Variants in VPS13A observed in about 807,000 individuals in gnomAD.
VPS13A encodes intermembrane lipid transfer protein VPS13A.
VPS13A carries 264 observed loss-of-function variants against 390.9 expected under a neutral mutation model. The ratio of observed to expected loss-of-function variants is 0.68; its 90% CI spans 0.61 to 0.75. The LOEUF (loss-of-function observed/expected upper bound fraction) is 0.75, where lower values mean the gene tolerates loss of function less well. VPS13A is among the 30% of genes least tolerant of loss of function. The pLI, the probability that VPS13A is intolerant of heterozygous loss-of-function variation, is 0.00. For synonymous variants in VPS13A, 1,231 were observed against 1,227.1 expected (o/e 1.00, Z -0.07); for missense variants, 3,409 against 3,733.9 (o/e 0.91, Z 2.27).
intron 23 of VPS13A, among the ~76,000 whole-genome samples, chr9:77,267,153 G>A (rs1399146196): frequency 6.6e-6 from 1 of 152,052 alleles, no homozygotes. Flanking sequence ...ACCTTCTGAA[G>A]CCTGTTTCTG....
chr9:77,390,182 T>G (rs1267669932), intron 68 of VPS13A: 4 of 892,978 alleles, frequency 4.5e-6, no homozygotes, highest in Non-Finnish European at 5.4e-6. Flanking sequence ...CTATTGGACT[T>G]CACTCTTCAT....
chr9:77,414,519 C>G (rs1176714849), intron 71 of VPS13A, among the ~76,000 whole-genome samples: 2 of 151,326 alleles, frequency 1.3e-5, no homozygotes, highest in Non-Finnish European at 2.9e-5. Flanking sequence ...TGTTCTCACT[C>G]ATAGGTGGGA....
intron 44 of VPS13A, among the ~76,000 whole-genome samples, chr9:77,322,195 GTT>G (rs1303113021): frequency 1.0e-3 from 148 of 142,826 alleles, no homozygotes; most frequent in African/African-American, 3.4e-3. Flanking sequence ...TTTATAAATG[GTT>G]TTTTTTTTTT....
intron 67 of VPS13A, among the ~76,000 whole-genome samples, chr9:77,377,251 C>T (rs541200653): frequency 2.7e-5 from 3 of 111,750 alleles, no homozygotes; most frequent in African/African-American, 6.9e-5. Context: ...CTCGCTCTGT[C>T]GCCCAGGCCA....
intron 14 of VPS13A, 48 bp from the exon 15 acceptor site, chr9:77,226,418 C>G: frequency 6.5e-7 from 1 of 1,543,262 alleles, no homozygotes; most frequent in Non-Finnish European, 8.9e-7. Context: ...GTTTCAGTTG[C>G]TAAATAAAGG....
intron 10 of VPS13A, among the ~76,000 whole-genome samples, chr9:77,218,587 GAGAACCACTC>G (rs1477380099): frequency 6.6e-6 from 1 of 150,824 alleles, no homozygotes; most frequent in East Asian, 1.9e-4. Context: ...ACTAAAGTTT[GAGAACCACTC>G]AGATAGACTA....
intron 61 of VPS13A, among the ~76,000 whole-genome samples, chr9:77,367,222 A>G (rs1197550297): frequency 1.3e-5 from 2 of 152,218 alleles, no homozygotes; most frequent in African/African-American, 4.8e-5. Context: ...AGACTCTTCA[A>G]AGCATTTGCA....
Position 77,363,412 on chromosome 9 carries a change from T to A in VPS13A, c.8212-2048T>A, listed in dbSNP as rs562991342. ...TTAATTTTTTTTTTTTTATTTTTTT[T>A]TTTTTTTGAGACCTAGGCTCGCTCT... On this transcript the variant is annotated intron_variant, in intron 59 of 71. Transcript: ENST00000360280. Among the ~76,000 whole-genome samples, 109 of 144,956 alleles carry A rather than the reference T, an allele frequency of 7.5e-4. 1 individual carries two copies. The East Asian group carries it at 9.2e-3, about 12-fold the overall frequency.
rs909644265 is a variant in VPS13A, at chr9:77,177,548, C to T, written c.-157C>T. 1.5e-6 allele frequency: 1 copy of T among 679,506 alleles called. No individual in the cohort carries two copies. Among genetic ancestry groups the T allele is most frequent in the Middle Eastern group, 3.9e-4 (1 of 2,554 alleles). 42.1% of individuals were successfully genotyped at this position (679,506 alleles called of 1,614,324 possible). ...TGAGAGCGACCGCCTCCGTCTCTCGCTGGGCTCGCTAGGGCTGCGCGTTGG... is the reference window on the plus strand; with the variant it reads ...TGAGAGCGACCGCCTCCGTCTCTCGTTGGGCTCGCTAGGGCTGCGCGTTGG... On this transcript the variant is annotated 5_prime_UTR_variant, in exon 1 of 72. Transcript: ENST00000360280.
intron 23 of VPS13A, among the ~76,000 whole-genome samples, chr9:77,262,238 A>T (rs973208532): frequency 6.6e-6 from 1 of 150,450 alleles, no homozygotes; most frequent in Admixed American, 6.6e-5. Context: ...TACATAGTCA[A>T]TTTTTTTTTC....
chr9:77,335,907 A>G (rs1219524969), intron 46 of VPS13A, among the ~76,000 whole-genome samples: 1 of 152,204 alleles, frequency 6.6e-6, no homozygotes, highest in African/African-American at 2.4e-5. Context: ...AGATACACAC[A>G]TATGTTTATT....
In VPS13A at chr9:77,230,189, A is replaced by G. The variant is rs145970298; in HGVS notation, c.1595+1925A>G. 1.3e-4 allele frequency among the ~76,000 whole-genome samples: 20 copies of G among 152,066 alleles called. No homozygotes were observed. In the East Asian group the frequency reaches 3.7e-3, roughly 28 times the overall value. The stretch of plus-strand genomic sequence containing the variant: ...ATACAAATCTCTTATTAGATAAACA[A>G]TTTTCAGTTATTTTCTCTCACTGTG... On this transcript the variant is annotated intron_variant, in intron 17 of 71. Transcript: ENST00000360280.
intron 52 of VPS13A, 98 bp downstream of exon 52, chr9:77,345,240 A>T: frequency 1.6e-6 from 2 of 1,287,270 alleles, no homozygotes; most frequent in Middle Eastern, 2.0e-4. Context: ...AACACTGATA[A>T]TAGCATTGTA....
Position 77,313,999 on chromosome 9 carries a change from T to G in VPS13A, c.4122T>G (p.Thr1374=). 1 of 1,612,960 alleles carries G rather than the reference T, an allele frequency of 6.2e-7. No homozygotes were observed. The highest frequency in any genetic ancestry group is 8.5e-7 in the Non-Finnish European group (1 of 1,179,436). ...TNASHHSGGA[T]VVTAAVVEVH... ...AACTTTAATTTTTTCAAGGAGCAAC[T>G]GTGGTGACAGCTGCTGTGGTAGAAG... Residue 1374 remains threonine, a synonymous_variant, in exon 36 of 72, where the codon ACT becomes ACG. Coordinates refer to ENST00000360280, the MANE Select transcript of VPS13A (RefSeq NM_033305.3).
At chr9:77,249,829 T>A (rs1276884056) in intron 20 of VPS13A, among the ~76,000 whole-genome samples, 1 of 152,200 alleles carries the variant, frequency 6.6e-6, no homozygotes, top group African/African-American at 2.4e-5. Context: ...ATTTAAAAAA[T>A]TTGTAGACAT....
At chr9:77,226,111 A>G (rs973637504) in intron 14 of VPS13A, 123 bp downstream of exon 14, 2 of 833,504 alleles carry the variant, frequency 2.4e-6, no homozygotes, top group African/African-American at 3.5e-5. Context: ...TTTGCTTTTT[A>G]GTATTATAAG....
At chr9:77,275,801 C>G (rs1343300243) in intron 25 of VPS13A, 149 bp downstream of exon 25, 9 of 978,854 alleles carry the variant, frequency 9.2e-6, no homozygotes, top group African/African-American at 3.3e-5. Flanking sequence ...TGGTCACTCC[C>G]CGCCCCCCCC....
intron 17 of VPS13A, among the ~76,000 whole-genome samples, chr9:77,236,762 A>T (rs1349099854): frequency 6.6e-6 from 1 of 152,246 alleles, no homozygotes; most frequent in Non-Finnish European, 1.5e-5. Context: ...TAAAGAGGAG[A>T]ATGCCATGTG....
chr9:77,297,822 G>T (rs1828106353), intron 33 of VPS13A, among the ~76,000 whole-genome samples: 1 of 152,174 alleles, frequency 6.6e-6, no homozygotes, highest in Non-Finnish European at 1.5e-5. Context: ...GCATAAAATG[G>T]GATCACATTT....
Sources: allele counts gnomAD v4.1 joint callset (sites outside exome capture counted in the v4.1 genomes callset), GRCh38; gene constraint gnomAD v4.1.1; transcripts MANE v1.5; gene names NCBI Gene and HGNC (gene_info 2026-07-23, HGNC 2026-07-21).